ZNF536: variants seen among roughly 807,000 people sequenced by gnomAD.
ZNF536 encodes zinc finger protein 536.
ZNF536 carries 13 observed loss-of-function variants against 84.5 expected under a neutral mutation model. The observed-to-expected ratio is 0.15, with a 90% CI of 0.10 to 0.24. The LOEUF is 0.24. Among genes scored for constraint, ZNF536 ranks in the 10% least tolerant of loss-of-function variants. The pLI is 1.00. For missense variants in ZNF536, 1,536 were observed against 1,747.5 expected (o/e 0.88, Z 2.16); for synonymous variants, 811 against 742.5 (o/e 1.09, Z -1.50).
intron 1 of ZNF536, among the ~76,000 whole-genome samples, chr19:30,281,124 C>G (rs1469687050): frequency 6.6e-6 from 1 of 152,140 alleles, no homozygotes; most frequent in Non-Finnish European, 1.5e-5. Flanking sequence ...CCCACTTCCC[C>G]TTTGAAGTCC....
At chr19:30,485,635 C>A (rs1375108106) in intron 2 of ZNF536, among the ~76,000 whole-genome samples, 1 of 149,690 alleles carries the variant, frequency 6.7e-6, no homozygotes, top group African/African-American at 2.5e-5. Flanking sequence ...GGCCTTTTAG[C>A]AAAGACTGTG....
At chr19:30,447,221 G>T (rs940564753) in intron 2 of ZNF536, among the ~76,000 whole-genome samples, 8 of 152,012 alleles carry the variant, frequency 5.3e-5, no homozygotes, top group Admixed American at 3.9e-4. Context: ...CTCACTCTTT[G>T]GTTTAGATAC....
Position 30,549,059 on chromosome 19 carries a change from T to C in ZNF536, c.3440T>C (p.Ile1147Thr), listed in dbSNP as rs759433821. The change falls in exon 4 of 5, where the codon ATC becomes ACC. Residue 1147 changes from isoleucine (I) to threonine (T), a missense_variant. By Grantham distance (89) the Ile-to-Thr change is moderately conservative (BLOSUM62 -1). Transcript: ENST00000355537. ...GKAHSEEDVP[I>T]LIPETTSKNT... Reference sequence around the variant, plus strand: ...GCCCACTCTGAAGAGGATGTCCCCATCCTGATCCCCGAAACCACGAGTAAG... The same window carrying C: ...GCCCACTCTGAAGAGGATGTCCCCACCCTGATCCCCGAAACCACGAGTAAG... 1.2e-6 allele frequency: 2 copies of C among 1,614,130 alleles called. No individual in the cohort carries two copies. Among genetic ancestry groups the C allele is most frequent in the Admixed American group, 1.7e-5 (1 of 60,024 alleles).
intron 2 of ZNF536, among the ~76,000 whole-genome samples, chr19:30,524,336 C>A (rs1398502022): frequency 1.3e-5 from 2 of 152,114 alleles, no homozygotes; most frequent in African/African-American, 4.8e-5. Context: ...TTATAAGGTA[C>A]TAGATGACTT....
At chr19:30,411,253 C>T (rs1205881126) in intron 1 of ZNF536, among the ~76,000 whole-genome samples, 3 of 152,154 alleles carry the variant, frequency 2.0e-5, no homozygotes, top group Non-Finnish European at 2.9e-5. Context: ...GTTTACTTTT[C>T]TGCAGATAGT....
intron 1 of ZNF536, among the ~76,000 whole-genome samples, chr19:30,597,693 G>A (rs908212441): frequency 2.6e-5 from 4 of 152,184 alleles, no homozygotes; most frequent in African/African-American, 9.7e-5. Context: ...TACACAGTAA[G>A]CGCTCAGTAA....
At chr19:30,523,525 T>C (rs1157139471) in intron 2 of ZNF536, among the ~76,000 whole-genome samples, 1 of 152,202 alleles carries the variant, frequency 6.6e-6, no homozygotes, top group Non-Finnish European at 1.5e-5. Context: ...CTTCTGAACC[T>C]GTCTGTCAGA....
intron 1 of ZNF536, among the ~76,000 whole-genome samples, chr19:30,610,127 C>T (rs1485412032): frequency 1.3e-5 from 2 of 152,244 alleles, no homozygotes; most frequent in African/African-American, 2.4e-5. Context: ...ATCCCCAGCC[C>T]TCAGAAACTT....
intron 1 of ZNF536, among the ~76,000 whole-genome samples, chr19:30,709,800 G>T (rs1393761624): frequency 3.3e-5 from 5 of 151,946 alleles, no homozygotes; most frequent in African/African-American, 4.8e-5. Context: ...AATTTTTTTT[G>T]TACAGACAGT....
downstream of ZNF536, among the ~76,000 whole-genome samples, chr19:30,561,807 C>T (rs147703940): frequency 2.6e-5 from 4 of 152,276 alleles, no homozygotes; most frequent in East Asian, 7.7e-4. Context: ...GAGAGAAAGC[C>T]CTCAGGCAGA....
chr19:30,468,954 G>T (rs1227674131), intron 2 of ZNF536, among the ~76,000 whole-genome samples: 1 of 152,058 alleles, frequency 6.6e-6, no homozygotes, highest in Non-Finnish European at 1.5e-5. Context: ...CCCATAAAGG[G>T]GGGCCCCTCC....
At chr19:30,341,286 G>A (rs2047557228) in intron 2 of ZNF536, among the ~76,000 whole-genome samples, 1 of 152,318 alleles carries the variant, frequency 6.6e-6, no homozygotes, top group Non-Finnish European at 1.5e-5. Context: ...ATAGTTTGTT[G>A]AGATTGCAGT....
At chr19:30,669,228 G>A (rs2050451105) in intron 1 of ZNF536, among the ~76,000 whole-genome samples, 1 of 152,220 alleles carries the variant, frequency 6.6e-6, no homozygotes, top group Non-Finnish European at 1.5e-5. Flanking sequence ...CCTGCAGCTG[G>A]GTAGACTGCC....
intron 1 of ZNF536, among the ~76,000 whole-genome samples, chr19:30,279,770 G>A (rs2045370677): frequency 6.6e-6 from 1 of 152,210 alleles, no homozygotes. Context: ...GTCATCTGTG[G>A]GGAGACTTAG....
intron 1 of ZNF536, among the ~76,000 whole-genome samples, chr19:30,413,615 A>G (rs1336573411): frequency 6.6e-6 from 1 of 152,148 alleles, no homozygotes; most frequent in East Asian, 1.9e-4. Flanking sequence ...TTATTTTTAA[A>G]GTCTAATTTC....
chr19:30,383,780 C>CT (rs751030137), intron 1 of ZNF536, among the ~76,000 whole-genome samples: 35,660 of 81,018 alleles, frequency 0.44, 11,837 homozygotes, highest in Non-Finnish European at 0.58. Context: ...TCTTTTCTTT[C>CT]TTTCTTTCTT....
intron 2 of ZNF536, among the ~76,000 whole-genome samples, chr19:30,318,256 C>T (rs2046745479): frequency 6.6e-6 from 1 of 152,200 alleles, no homozygotes; most frequent in Non-Finnish European, 1.5e-5. Flanking sequence ...CTGTGTATGA[C>T]AGCCTTCAAG....
At chr19:30,292,502 T>A (rs1008872268) in intron 2 of ZNF536, among the ~76,000 whole-genome samples, 2 of 152,102 alleles carry the variant, frequency 1.3e-5, no homozygotes, top group Non-Finnish European at 2.9e-5. Flanking sequence ...CTACTTTGTT[T>A]GTATTTTTTC....
At chr19:30,352,223 T>C (rs2047954283) in intron 2 of ZNF536, 1 of 152,258 alleles carries the variant, frequency 6.6e-6, no homozygotes. Context: ...TGCATGGGGA[T>C]AGATTTCCAT....
Sources: allele counts gnomAD v4.1 joint callset (sites outside exome capture counted in the v4.1 genomes callset), GRCh38; gene constraint gnomAD v4.1.1; transcripts MANE v1.5; gene names NCBI Gene and HGNC (gene_info 2026-07-23, HGNC 2026-07-21).